The following BAIAP2L1 variants were observed in gnomAD, a reference collection of about 807,000 sequenced individuals.
The protein encoded by BAIAP2L1 is BAR/IMD domain containing adaptor protein 2 like 1, also known as BAR/IMD domain-containing adapter protein 2-like 1.
Under a neutral mutation model 66.3 loss-of-function variants are expected in BAIAP2L1, and 35 were observed. The ratio of observed to expected loss-of-function variants is 0.53; its 90% CI spans 0.40 to 0.70. The LOEUF (loss-of-function observed/expected upper bound fraction) is 0.70. BAIAP2L1 is among the 30% of genes least tolerant of loss of function. The pLI is 0.00. For synonymous variants in BAIAP2L1, 269 were observed against 248.7 expected (o/e 1.08, Z -0.77); for missense variants, 622 against 656.9 (o/e 0.95, Z 0.58).
At chr7:98,345,159 G>T (rs952627755) in intron 3 of BAIAP2L1, among the ~76,000 whole-genome samples, 20 of 151,964 alleles carry the variant, frequency 1.3e-4, no homozygotes, top group Admixed American at 1.2e-3. Flanking sequence ...ATTTACATCC[G>T]CAATAAAGAG....
chr7:98,368,186 A>C (rs1802431524), intron 1 of BAIAP2L1, among the ~76,000 whole-genome samples: 1 of 152,078 alleles, frequency 6.6e-6, no homozygotes, highest in Admixed American at 6.6e-5. Context: ...TGGGAGGCCA[A>C]GTTGGGCAGA....
At chr7:98,320,385 G>C (rs1801210429) in intron 3 of BAIAP2L1, 87 bp from the exon 4 acceptor site, 1 of 1,016,140 alleles carries the variant, frequency 9.8e-7, no homozygotes, top group African/African-American at 1.6e-5. Flanking sequence ...GCCCAGGCTG[G>C]AGTGCAAAGG....
At chr7:98,376,554 C>T (rs1802635871) in intron 1 of BAIAP2L1, among the ~76,000 whole-genome samples, 2 of 150,854 alleles carry the variant, frequency 1.3e-5, no homozygotes. Context: ...GGAGCGGTGG[C>T]TCAAGCCTGT....
intron 6 of BAIAP2L1, 99 bp downstream of exon 6, chr7:98,317,120 T>C (rs1801097988): frequency 4.1e-6 from 6 of 1,478,982 alleles, no homozygotes; most frequent in South Asian, 1.2e-5. Context: ...CCCAAAGTGC[T>C]GGGATTACAG....
In BAIAP2L1 at chr7:98,343,043, A is replaced by C. The variant is rs543899392; in HGVS notation, c.214+11999T>G. On this transcript the variant is annotated intron_variant, in intron 3 of 13. Transcript: ENST00000005260. ...AAGTCACATGAGTGACTTTAGGTAC[A>C]CCCACTGACAATCTGTTGAGTGGCA... Among the ~76,000 whole-genome samples the C allele has an allele frequency of 1.3e-3, 204 of 151,822 alleles. 1 individual carries two copies. The highest frequency in any genetic ancestry group is 4.7e-3 in the African/African-American group (194 of 41,382).
intron 12 of BAIAP2L1, among the ~76,000 whole-genome samples, chr7:98,302,299 C>T (rs1225399505): frequency 6.6e-6 from 1 of 152,208 alleles, no homozygotes; most frequent in Admixed American, 6.5e-5. Flanking sequence ...ACACTGAAGA[C>T]TATCCAGGGT....
intron 3 of BAIAP2L1, among the ~76,000 whole-genome samples, chr7:98,341,364 T>C (rs1584470083): frequency 7.0e-6 from 1 of 142,280 alleles, no homozygotes; most frequent in East Asian, 2.0e-4. Context: ...GGCAGGAAAA[T>C]CTGACAGCCA....
At chr7:98,387,694 T>C (rs1369591941) in intron 1 of BAIAP2L1, among the ~76,000 whole-genome samples, 7 of 136,654 alleles carry the variant, frequency 5.1e-5, no homozygotes, top group Non-Finnish European at 1.1e-4. Context: ...GCAGGCCCTG[T>C]CTCTACAAGA....
chr7:98,317,270 C>G lies in BAIAP2L1; in HGVS notation c.435G>C (p.Arg145Ser). 1.2e-6 allele frequency: 2 copies of G among 1,614,200 alleles called. No individual in the cohort carries two copies. The highest frequency in any genetic ancestry group is 1.7e-6 in the Non-Finnish European group (2 of 1,180,020). ...GTGCGTTTCGGCTTCCTTGGCTTTTCCTTCTGATCTTCTTCAACTCAGCTT... is the reference window on the plus strand; with the variant it reads ...GTGCGTTTCGGCTTCCTTGGCTTTTGCTTCTGATCTTCTTCAACTCAGCTT... ...KSQAELKKIR[R>S]KSQGSRNALK... The change falls in exon 6 of 14, where the codon AGG becomes AGC. Residue 145 changes from arginine (R) to serine (S), a missense_variant. Physicochemically the swap from Arg to Ser is moderately radical, Grantham distance 110. Coordinates refer to ENST00000005260, the MANE Select transcript of BAIAP2L1 (RefSeq NM_018842.5).
intron 7 of BAIAP2L1, among the ~76,000 whole-genome samples, 182 bp from the exon 8 acceptor site, chr7:98,312,446 G>C (rs1359509140): frequency 2.0e-5 from 3 of 152,206 alleles, no homozygotes; most frequent in African/African-American, 7.2e-5. Flanking sequence ...CACCGGCTGA[G>C]AGGGGCAAAG....
intron 1 of BAIAP2L1, among the ~76,000 whole-genome samples, chr7:98,397,646 C>T (rs180973986): frequency 1.3e-5 from 2 of 152,156 alleles, no homozygotes; most frequent in Non-Finnish European, 2.9e-5. Context: ...AAGTCTTTAA[C>T]AGTTCTAGGA....
At chr7:98,308,079 A>G (rs1227112913) in intron 9 of BAIAP2L1, 183 bp from the exon 10 acceptor site, 1 of 713,942 alleles carries the variant, frequency 1.4e-6, no homozygotes, top group South Asian at 1.5e-5. Context: ...GACTGTTGAG[A>G]AACAGAGGCA....
chr7:98,308,547 G>A (rs1421610468), intron 9 of BAIAP2L1: 1 of 345,056 alleles, frequency 2.9e-6, no homozygotes, highest in Non-Finnish European at 5.8e-6. Flanking sequence ...GGCTGGGCCA[G>A]GAACCAGCTA....
intron 12 of BAIAP2L1, among the ~76,000 whole-genome samples, chr7:98,296,528 G>C (rs1195797409): frequency 6.6e-6 from 1 of 152,216 alleles, no homozygotes; most frequent in Non-Finnish European, 1.5e-5. Context: ...AGGAGGCTGA[G>C]GCAGGAGAAT....
chr7:98,358,257 G>C (rs555040202), intron 2 of BAIAP2L1, among the ~76,000 whole-genome samples: 20 of 152,154 alleles, frequency 1.3e-4, no homozygotes, highest in Middle Eastern at 3.4e-3. Context: ...AATTTAGCCA[G>C]AAGAGATAAA....
chr7:98,306,502 G>A lies in BAIAP2L1; in HGVS notation c.1178C>T (p.Pro393Leu), dbSNP rs973646026. 1.2e-6 allele frequency: 2 copies of A among 1,613,970 alleles called. No individual in the cohort carries two copies. The highest frequency in any genetic ancestry group is 1.7e-6 in the Non-Finnish European group (2 of 1,180,034). ...TTCCAGCAACTTCGTGTACGACGAC[G>A]GGAACCAACCCCTCCTACCGGCAAA... ...HDVSKARGWF[P>L]SSYTKLLEEN... Residue 393 changes from proline to leucine, a missense_variant, in exon 11 of 14, where the codon CCG becomes CTG. Physicochemically the swap from Pro to Leu is moderately conservative, Grantham distance 98. Transcript: ENST00000005260.
rs759293288 is a variant in BAIAP2L1 at position 98,320,106 on chromosome 7, A to G, written c.300T>C (p.Ile100=). ...CTATCTTCTTCTCCAGCTCATGGAT[A>G]ATCTCTTTGTGGAATTTTTTAAACT... ...DENFKKFHKE[I]IHELEKKIEL... The change falls in exon 5 of 14, where the codon ATT becomes ATC. Residue 100 remains isoleucine, a synonymous_variant. Transcript: ENST00000005260. 1.2e-4 allele frequency: 196 copies of G among 1,613,064 alleles called. 1 individual carries two copies. Among genetic ancestry groups the G allele is most frequent in the Non-Finnish European group, 1.3e-4 (157 of 1,179,280 alleles).
chr7:98,380,735 CGT>C (rs1802735637), intron 1 of BAIAP2L1, among the ~76,000 whole-genome samples: 2 of 109,416 alleles, frequency 1.8e-5, no homozygotes, highest in Non-Finnish European at 4.1e-5. Context: ...ATATCCGGTC[CGT>C]TTTTTTTTTT....
chr7:98,398,731 T>A (rs1048396528), intron 1 of BAIAP2L1, among the ~76,000 whole-genome samples: 16 of 152,268 alleles, frequency 1.1e-4, no homozygotes, highest in Admixed American at 3.3e-4. Context: ...GACGCTGCAA[T>A]TCGCCTTGGT....
Sources: gnomAD v4.1 joint callset for allele counts (sites outside exome capture counted in the v4.1 genomes callset) on GRCh38, gnomAD v4.1.1 for gene constraint, MANE v1.5 for transcripts, NCBI Gene and HGNC (gene_info 2026-07-23, HGNC 2026-07-21) for gene names.